Variants in TTC27 observed in about 807,000 individuals in gnomAD.
The protein encoded by TTC27 is tetratricopeptide repeat domain 27.
Under a neutral mutation model 115.9 loss-of-function variants are expected in TTC27, and 79 were observed. That is an observed-to-expected ratio of 0.68 (90% CI 0.57 to 0.82). The LOEUF is 0.82. TTC27 is among the 40% of genes least tolerant of loss of function. TTC27 has a pLI of 0.00. For synonymous variants in TTC27, 401 were observed against 356.0 expected (o/e 1.13, Z -1.42); for missense variants, 1,054 against 993.1 (o/e 1.06, Z -0.82).
chr2:32,667,524 C>A (rs1443712974), intron 7 of TTC27, among the ~76,000 whole-genome samples: 1 of 149,010 alleles, frequency 6.7e-6, no homozygotes, highest in East Asian at 2.0e-4. Context: ...TTAAGCGATT[C>A]TCCTGCCTCA....
chr2:32,820,371 G>T (rs1572642713), intron 19 of TTC27, among the ~76,000 whole-genome samples: 1 of 152,312 alleles, frequency 6.6e-6, no homozygotes, highest in East Asian at 1.9e-4. Context: ...TTTTTGCTAG[G>T]ATAATCTTTG....
At chr2:32,707,848 G>A (rs1222584850) in intron 10 of TTC27, among the ~76,000 whole-genome samples, 1 of 152,178 alleles carries the variant, frequency 6.6e-6, no homozygotes, top group Admixed American at 6.5e-5. Flanking sequence ...CTTCAACAAA[G>A]GGTAGCAGAG....
chr2:32,631,472 T>C (rs1664208252), intron 2 of TTC27, among the ~76,000 whole-genome samples: 1 of 152,214 alleles, frequency 6.6e-6, no homozygotes, highest in African/African-American at 2.4e-5. Flanking sequence ...TTAAAGTTTG[T>C]GTAATTTTAT....
At position 32,678,908 on chromosome 2, in the gene TTC27, C is replaced by T; in HGVS notation, c.1105C>T (p.Leu369=). Residue 369 remains leucine, a synonymous_variant, in exon 9 of 20, where the codon CTG becomes TTG. Coordinates refer to ENST00000317907, the MANE Select transcript of TTC27 (RefSeq NM_017735.5). ...PVHTLTEVEL[L]AFTSCLLSQP... ...GCACACATTAACTGAAGTGGAGCTT[C>T]TGGCATTTACATCAGTGAGTAATGT... 1.9e-6 allele frequency: 3 copies of T among 1,613,272 alleles called. No homozygotes were observed. The highest frequency in any genetic ancestry group is 1.7e-6 in the Non-Finnish European group (2 of 1,179,504).
In TTC27 at chr2:32,659,688, AC is replaced by A. The variant is rs373758636; in HGVS notation, c.641-4611del. Reference sequence around the variant, plus strand: ...TCTCCTAATGCTATCCTAGTCCTCCACCCCACATGATGTTCTCCTCCCTGTG... The same window carrying A: ...TCTCCTAATGCTATCCTAGTCCTCCACCCACATGATGTTCTCCTCCCTGTG... On this transcript the variant is annotated intron_variant, in intron 5 of 19. Transcript: ENST00000317907. 2.0e-3 allele frequency among the ~76,000 whole-genome samples: 296 copies of A among 151,538 alleles called. 2 individuals are homozygous for A. Among genetic ancestry groups the A allele is most frequent in the African/African-American group, 6.9e-3 (287 of 41,322 alleles).
At chr2:32,666,166 G>A (rs146128690) in intron 6 of TTC27, among the ~76,000 whole-genome samples, 2 of 152,168 alleles carry the variant, frequency 1.3e-5, no homozygotes, top group African/African-American at 4.8e-5. Flanking sequence ...AAAAAATTTT[G>A]GTCTTACATG....
chr2:32,673,140 A>C (rs745423921), intron 8 of TTC27, among the ~76,000 whole-genome samples: 1 of 150,164 alleles, frequency 6.7e-6, no homozygotes, highest in South Asian at 2.1e-4. Flanking sequence ...TGACACTTGA[A>C]ATTTACAAGT....
intron 13 of TTC27, chr2:32,766,426 T>C: frequency 2.5e-6 from 1 of 396,242 alleles, no homozygotes; most frequent in South Asian, 2.0e-5. Context: ...AGAGGCACTG[T>C]AGGGTTATTA....
intron 10 of TTC27, among the ~76,000 whole-genome samples, chr2:32,706,058 A>T (rs1667354739): frequency 8.3e-6 from 1 of 120,468 alleles, no homozygotes; most frequent in African/African-American, 3.1e-5. Flanking sequence ...TTACATTATC[A>T]TTCCTTATTT....
chr2:32,761,632 T>C (rs1393343499), intron 13 of TTC27, among the ~76,000 whole-genome samples: 2 of 152,130 alleles, frequency 1.3e-5, no homozygotes, highest in South Asian at 2.1e-4. Context: ...GCTCTTTCTC[T>C]GCCTGGAATG....
rs1440637402 is a variant in TTC27 at position 32,640,397 on chromosome 2, T to C, written c.524T>C (p.Leu175Pro). 6.2e-7 allele frequency: 1 copy of C among 1,613,430 alleles called. No homozygotes were observed. Among genetic ancestry groups the C allele is most frequent in the Non-Finnish European group, 8.5e-7 (1 of 1,179,950 alleles). Reference sequence around the variant, plus strand: ...ATCCTAGTGAATGTAAGACATAAACTGACAGCTATTCAGGTAAGGAAAGGA... The same window carrying C: ...ATCCTAGTGAATGTAAGACATAAACCGACAGCTATTCAGGTAAGGAAAGGA... Reference protein sequence around the residue: ...RIILVNVRHKLTAIQSLPWWT... With the variant: ...RIILVNVRHKPTAIQSLPWWT... Residue 175 changes from leucine to proline, a missense_variant, in exon 4 of 20, where the codon CTG (leucine) becomes CCG (proline). Leu to Pro is a moderately conservative substitution (Grantham distance 98). Transcript: ENST00000317907.
rs150963117 is a variant in TTC27, at chr2:32,640,368, C to G, written c.495C>G (p.Arg165=). The G allele has an allele frequency of 1.3e-3, 2,122 of 1,613,910 alleles. 2 individuals carry two copies. Among genetic ancestry groups the G allele is most frequent in the Non-Finnish European group, 1.7e-3 (1,984 of 1,179,944 alleles). The part of the protein sequence containing the change: ...TSKPILLLLA[R]IILVNVRHKL... ...AGCCTATACTACTGTTATTAGCACG[C>G]ATTATCCTAGTGAATGTAAGACATA... Residue 165 remains arginine (R), a synonymous_variant, in exon 4 of 20, where the codon CGC becomes CGG. Coordinates refer to ENST00000317907, the MANE Select transcript of TTC27 (RefSeq NM_017735.5).
At chr2:32,642,058 C>T (rs543653582) in intron 4 of TTC27, among the ~76,000 whole-genome samples, 17 of 151,864 alleles carry the variant, frequency 1.1e-4, no homozygotes, top group African/African-American at 3.1e-4. Context: ...GATTTCTCCA[C>T]ATTGGTCAGG....
At chr2:32,754,090 T>A (rs1669115641) in intron 12 of TTC27, among the ~76,000 whole-genome samples, 2 of 145,484 alleles carry the variant, frequency 1.4e-5, no homozygotes, top group South Asian at 4.4e-4. Flanking sequence ...AAAAATAAAA[T>A]AAAAAATAAA....
intron 10 of TTC27, chr2:32,704,878 C>G (rs769378399): frequency 4.2e-6 from 2 of 471,238 alleles, no homozygotes; most frequent in African/African-American, 4.0e-5. Flanking sequence ...ATGATGTTCA[C>G]TTATCCTGTC....
chr2:32,720,305 A>T (rs750193291), intron 10 of TTC27, among the ~76,000 whole-genome samples: 3 of 152,214 alleles, frequency 2.0e-5, no homozygotes, highest in Non-Finnish European at 4.4e-5. Flanking sequence ...TTATTTTTAC[A>T]TTCTCAAAAT....
rs1458747507 is a variant in TTC27 at position 32,815,168 on chromosome 2, T to C, written c.2309-2289T>C. ...CTTTGCCATCCAGGAGTTTTTAAAA[T>C]AAGAGTTAATGCATTTTAACTGCAG... On this transcript the variant is annotated intron_variant, in intron 18 of 19. Coordinates refer to ENST00000317907, the MANE Select transcript of TTC27 (RefSeq NM_017735.5). 2.7e-5 allele frequency among the ~76,000 whole-genome samples: 4 copies of C among 148,358 alleles called. No homozygotes were observed. In the East Asian group the frequency reaches 8.1e-4, roughly 30 times the overall value.
rs144409178 is a variant in TTC27 at position 32,758,456 on chromosome 2, G to T, written c.1617G>T (p.Arg539=). 19 of 1,614,166 alleles carry T rather than the reference G, an allele frequency of 1.2e-5. No homozygotes were observed. The highest frequency in any genetic ancestry group is 1.6e-5 in the Non-Finnish European group (19 of 1,180,020). The change falls in exon 13 of 20, where the codon CGG becomes CGT. Residue 539 remains arginine, a synonymous_variant. Coordinates refer to ENST00000317907, the MANE Select transcript of TTC27 (RefSeq NM_017735.5). ...AQRSKALLHL[R]NKEFQECVEC... is the part of the protein sequence containing the mutation. ...GCTCCAAAGCCCTCCTTCATCTTCG[G>T]AACAAGGAGTTTCAAGAGTGTGTAG...
chr2:32,665,800 A>C (rs1416434765), intron 6 of TTC27, among the ~76,000 whole-genome samples: 1 of 152,180 alleles, frequency 6.6e-6, no homozygotes, highest in Non-Finnish European at 1.5e-5. Context: ...CTGAGGCAGG[A>C]GATTTGCTTG....
Sources: gnomAD v4.1 joint callset for allele counts (sites outside exome capture counted in the v4.1 genomes callset) on GRCh38, gnomAD v4.1.1 for gene constraint, MANE v1.5 for transcripts, NCBI Gene and HGNC (gene_info 2026-07-23, HGNC 2026-07-21) for gene names.